The following NECTIN1 variants were observed in gnomAD, a reference collection of about 807,000 sequenced individuals.
NECTIN1 encodes the protein nectin-1.
In NECTIN1, 23 loss-of-function variants were observed where a neutral mutation model predicts 48.0. The observed-to-expected ratio is 0.48, with a 90% CI of 0.34 to 0.68. The LOEUF is 0.68. Among genes scored for constraint, NECTIN1 ranks in the 30% least tolerant of loss-of-function variants. The pLI, the probability that NECTIN1 is intolerant of heterozygous loss-of-function variation, is 0.01. For missense variants in NECTIN1, 591 were observed against 709.9 expected, an observed-to-expected ratio of 0.83 and a Z score of 1.90; for synonymous variants, 270 against 288.9, an observed-to-expected ratio of 0.93 and a Z score of 0.66.
At chr11:119,697,183 A>G (rs1469570846) in intron 1 of NECTIN1, among the ~76,000 whole-genome samples, 1 of 152,162 alleles carries the variant, frequency 6.6e-6, no homozygotes, top group Admixed American at 6.5e-5. Flanking sequence ...ACTGGTGGGA[A>G]CTGGTTCTTG....
chr11:119,640,080 G>A (rs1864302368), intron 5 of NECTIN1: 1 of 1,477,818 alleles, frequency 6.8e-7, no homozygotes, highest in Admixed American at 1.9e-5. Flanking sequence ...AGTCAGAGAT[G>A]TGAGAGAGTC....
intron 1 of NECTIN1, among the ~76,000 whole-genome samples, chr11:119,694,154 G>A (rs1865307017): frequency 6.6e-6 from 1 of 152,144 alleles, no homozygotes; most frequent in South Asian, 2.1e-4. Context: ...CACAGAGGGG[G>A]AAATGGAGGG....
chr11:119,697,584 T>C (rs1318264529), intron 1 of NECTIN1, among the ~76,000 whole-genome samples: 1 of 152,180 alleles, frequency 6.6e-6, no homozygotes, highest in Non-Finnish European at 1.5e-5. Flanking sequence ...GCACTCAGAA[T>C]CTCCTATTTT....
At position 119,677,482 on chromosome 11, in the gene NECTIN1, A is replaced by C. The variant is rs1329198015; in HGVS notation, c.733+73T>G. The C allele has an allele frequency of 2.6e-6, 4 of 1,516,830 alleles. No homozygotes were observed. The East Asian group carries it at 6.8e-5, about 26-fold the overall frequency. The allele number at this position is 1,516,830 out of a possible 1,614,324, so 94.0% of individuals were successfully genotyped here. ...GCACCCCCAGAAAGAGAAAGGGAGG[A>C]GAAAGGAGAGGAGGAGGGAGGAGGG... On this transcript the variant is annotated intron_variant, in intron 3 of 5. Coordinates refer to ENST00000264025, the MANE Select transcript of NECTIN1 (RefSeq NM_002855.5). The surrounding 1 kb of genome is among the most constrained non-coding windows in gnomAD (Gnocchi z 5.4).
chr11:119,639,250 C>G (rs372158609), intron 6 of NECTIN1, among the ~76,000 whole-genome samples: 4 of 152,122 alleles, frequency 2.6e-5, no homozygotes, highest in African/African-American at 9.7e-5. Context: ...CCGTGATGAA[C>G]AAAACGTCCA....
rs527488060 is a variant in NECTIN1, at chr11:119,698,964, C to T, written c.80-20199G>A. Reference sequence around the variant, plus strand: ...ATTCTCTAAGCTGCCCTGTGCCAGCCTGCAGAAAAATGGGCAGCCTCAAAG... The same window carrying T: ...ATTCTCTAAGCTGCCCTGTGCCAGCTTGCAGAAAAATGGGCAGCCTCAAAG... On this transcript the variant is annotated intron_variant, in intron 1 of 5. Transcript: ENST00000264025. 6.6e-5 allele frequency among the ~76,000 whole-genome samples: 10 copies of T among 152,286 alleles called. No homozygotes were observed. The South Asian group carries it at 1.0e-3, about 16-fold the overall frequency.
chr11:119,638,361 G>C (rs1864268760), intron 7 of NECTIN1: 1 of 1,339,984 alleles, frequency 7.5e-7, no homozygotes, highest in Middle Eastern at 2.4e-4. Flanking sequence ...CCCCCATTCT[G>C]GCATCCCCCA....
At chr11:119,674,037 G>A (rs908828555) in intron 5 of NECTIN1, among the ~76,000 whole-genome samples, 1 of 152,156 alleles carries the variant, frequency 6.6e-6, no homozygotes, top group African/African-American at 2.4e-5. Context: ...ACTTCACGTG[G>A]CTCTTTCTGC....
chr11:119,655,625 G>T (rs1312290692), intron 5 of NECTIN1, among the ~76,000 whole-genome samples: 1 of 152,214 alleles, frequency 6.6e-6, no homozygotes, highest in Non-Finnish European at 1.5e-5. Flanking sequence ...CTGAAAAAGT[G>T]GTTTGGTGAG....
At position 119,664,966 on chromosome 11, in the gene NECTIN1, G is replaced by A. The variant is rs749757505; in HGVS notation, c.1335C>T (p.Gly445=). The change falls in exon 6 of 6, where the codon GGC becomes GGT. Residue 445 remains glycine (G), a synonymous_variant. Transcript: ENST00000264025. ...SYEEEEEEEE[G]GGGGERKVGG... Reference sequence around the variant, plus strand: ...CCACCTTGCGCTCGCCCCCTCCACCGCCCTCCTCCTCCTCCTCCTCCTCCT... The same window carrying A: ...CCACCTTGCGCTCGCCCCCTCCACCACCCTCCTCCTCCTCCTCCTCCTCCT... 17 of 1,591,190 alleles carry A rather than the reference G, an allele frequency of 1.1e-5. No individual in the cohort carries two copies. The highest frequency in any genetic ancestry group is 4.5e-5 in the East Asian group (2 of 44,676).
intron 5 of NECTIN1, among the ~76,000 whole-genome samples, chr11:119,654,943 C>G (rs984742316): frequency 2.0e-5 from 3 of 151,816 alleles, no homozygotes; most frequent in African/African-American, 7.3e-5. Context: ...AAGTTTTACT[C>G]TTGTTGCCAA....
At position 119,662,062 on chromosome 11, in the gene NECTIN1, G is replaced by A; in HGVS notation, c.*2685C>T. The stretch of plus-strand genomic sequence containing the variant: ...AAGGAAACAGGGGCATGGGTGTGGG[G>A]TGGGGGGCAAGGACAGGGAGGGCAA... On this transcript the variant is annotated 3_prime_UTR_variant, in exon 6 of 6. Transcript: ENST00000264025. The surrounding 1 kb of genome is among the most constrained non-coding windows in gnomAD (Gnocchi z 5.3). 1.0e-6 allele frequency: 1 copy of A among 985,444 alleles called. No individual in the cohort carries two copies. The highest frequency in any genetic ancestry group is 1.2e-6 in the Non-Finnish European group (1 of 829,902). The allele number at this position is 985,444 out of a possible 1,614,324, so 61.0% of individuals were successfully genotyped here. A position where few individuals can be genotyped will look rare whatever the true frequency, so the allele number is the denominator to read the frequency against.
chr11:119,696,836 G>A (rs1041082528), intron 1 of NECTIN1, among the ~76,000 whole-genome samples: 3 of 152,196 alleles, frequency 2.0e-5, no homozygotes, highest in East Asian at 1.9e-4. Flanking sequence ...CGGATGGGGC[G>A]AGGCTGGAAG....
intron 5 of NECTIN1, chr11:119,643,029 C>G (rs1408697211): frequency 6.5e-6 from 1 of 153,668 alleles, no homozygotes; most frequent in Non-Finnish European, 1.5e-5. Context: ...TTAGGAAAAC[C>G]AAAGGCTAAA....
At chr11:119,670,495 G>A (rs1003849751) in intron 5 of NECTIN1, among the ~76,000 whole-genome samples, 3 of 152,170 alleles carry the variant, frequency 2.0e-5, no homozygotes, top group African/African-American at 7.2e-5. Context: ...AGTATTGTAA[G>A]GAGAGACTCG....
intron 1 of NECTIN1, among the ~76,000 whole-genome samples, chr11:119,689,268 T>C (rs1217586649): frequency 3.9e-5 from 6 of 152,204 alleles, no homozygotes; most frequent in Non-Finnish European, 5.9e-5. Context: ...TCTTTGAACA[T>C]AGGAGGGCCT....
Position 119,677,273 on chromosome 11 carries a change from A to G in NECTIN1, c.734-54T>C, listed in dbSNP as rs1864969887. The G allele has an allele frequency of 6.8e-7, 1 of 1,477,544 alleles. No homozygotes were observed. The highest frequency in any genetic ancestry group is 9.5e-7 in the Non-Finnish European group (1 of 1,056,514). 91.5% of individuals were successfully genotyped at this position (1,477,544 alleles called of 1,614,324 possible). A position where few individuals can be genotyped will look rare whatever the true frequency, so the allele number is the denominator to read the frequency against. ...TGAGGTCAGGAGAGCGGGACTTAGAACAAGGGAACTTCAGCCAGGAAGGGA... is the reference window on the plus strand; with the variant it reads ...TGAGGTCAGGAGAGCGGGACTTAGAGCAAGGGAACTTCAGCCAGGAAGGGA... On this transcript the variant is annotated intron_variant, in intron 3 of 5. Coordinates refer to ENST00000264025, the MANE Select transcript of NECTIN1 (RefSeq NM_002855.5). This position sits in a 1 kb window ranked among gnomAD's most constrained non-coding sequence, Gnocchi z 5.4.
At chr11:119,674,330 C>G (rs1165701574) in intron 5 of NECTIN1, 1 of 1,373,084 alleles carries the variant, frequency 7.3e-7, no homozygotes, top group African/African-American at 1.5e-5. Context: ...GCAGTTTACC[C>G]CTGTGTGGAC....
chr11:119,712,589 A>G (rs562051529), intron 1 of NECTIN1, among the ~76,000 whole-genome samples: 4 of 152,166 alleles, frequency 2.6e-5, no homozygotes, highest in Non-Finnish European at 4.4e-5. Flanking sequence ...TCAAAAAAAA[A>G]GGGGAAGGAG....
Sources: gnomAD v4.1 joint callset for allele counts (sites outside exome capture counted in the v4.1 genomes callset) on GRCh38, gnomAD v4.1.1 for gene constraint, Gnocchi (gnomAD v3.1) non-coding constraint, MANE v1.5 for transcripts, NCBI Gene and HGNC (gene_info 2026-07-23, HGNC 2026-07-21) for gene names.